The following PCDHA4 variants were observed in gnomAD, a reference collection of about 807,000 sequenced individuals.
PCDHA4 encodes the protein protocadherin alpha-4.
A neutral mutation model predicts 61.4 loss-of-function variants in PCDHA4; 49 were observed. The ratio of observed to expected loss-of-function variants is 0.80; its 90% confidence interval spans 0.63 to 1.01. PCDHA4 has a LOEUF of 1.01. Among genes scored for constraint, PCDHA4 ranks in the 50% least tolerant of loss-of-function variants. The pLI is 0.00. For synonymous variants in PCDHA4, 590 were observed against 550.3 expected (o/e 1.07, Z -1.01); for missense variants, 1,254 against 1,235.8 (o/e 1.01, Z -0.22).
At chr5:140,906,813 A>G (rs1287106484) in intron 1 of PCDHA4, among the ~76,000 whole-genome samples, 4 of 152,042 alleles carry the variant, frequency 2.6e-5, no homozygotes, top group African/African-American at 4.8e-5. Flanking sequence ...CCTTACCTCC[A>G]CTGTGGAGTA....
chr5:140,922,647 A>G (rs568444047), intron 1 of PCDHA4, among the ~76,000 whole-genome samples: 35 of 152,262 alleles, frequency 2.3e-4, no homozygotes, highest in Non-Finnish European at 4.6e-4. Context: ...ATCAAACAGT[A>G]AATATGGCTA....
At chr5:140,953,948 C>T (rs1012464637) in intron 1 of PCDHA4, among the ~76,000 whole-genome samples, 1 of 152,092 alleles carries the variant, frequency 6.6e-6, no homozygotes, top group Non-Finnish European at 1.5e-5. Flanking sequence ...CATTGCTCCC[C>T]CAACAGGCCC....
chr5:140,808,402 C>T lies in PCDHA4; in HGVS notation c.1215C>T (p.Tyr405=), dbSNP rs782426671. The T allele has an allele frequency of 2.5e-6, 4 of 1,614,062 alleles. No homozygotes were observed. Among genetic ancestry groups the T allele is most frequent in the Non-Finnish European group, 3.4e-6 (4 of 1,180,056 alleles). The change falls in exon 1 of 4, where the codon TAC becomes TAT. Residue 405 remains tyrosine, a synonymous_variant. Transcript: ENST00000530339. ...TGGTGTCCACCTTCAAGAATTACTA[C>T]TCGTTGGTGCTGGACAGTGCCCTGG... ...FKLVSTFKNY[Y]SLVLDSALDR...
In PCDHA4 at chr5:141,010,126, C is replaced by A; in HGVS notation, c.*189C>A. The A allele has an allele frequency of 6.2e-7, 1 of 1,602,364 alleles. No homozygotes were observed. The highest frequency in any genetic ancestry group is 1.1e-5 in the South Asian group (1 of 89,898). ...TTTTGTCGTAAAAGCTTTACTAAGT[C>A]TGGTGTTAACTCTTTCTCTCCACTC... On this transcript the variant is annotated 3_prime_UTR_variant, in exon 4 of 4. Coordinates refer to ENST00000530339, the MANE Select transcript of PCDHA4 (RefSeq NM_018907.4).
chr5:140,950,426 ACT>A (rs1554219446), intron 1 of PCDHA4, among the ~76,000 whole-genome samples: 5 of 151,872 alleles, frequency 3.3e-5, no homozygotes, highest in African/African-American at 1.2e-4. Flanking sequence ...ATTTTCTTCC[ACT>A]TAAAAAAAAT....
chr5:140,859,358 A>G (rs1470133461), intron 1 of PCDHA4: 1 of 254,184 alleles, frequency 3.9e-6, no homozygotes, highest in Non-Finnish European at 7.4e-6. Context: ...CTGATCTGAT[A>G]TATTGTATAG....
intron 1 of PCDHA4, among the ~76,000 whole-genome samples, chr5:140,924,932 AAAAT>A (rs2082199458): frequency 7.6e-6 from 1 of 131,842 alleles, no homozygotes; most frequent in East Asian, 2.6e-4. Flanking sequence ...AAAATAAAAT[AAAAT>A]AAAAAGTTAA....
intron 1 of PCDHA4, among the ~76,000 whole-genome samples, chr5:140,943,273 A>AG (rs1157586895): frequency 6.7e-6 from 1 of 150,362 alleles, no homozygotes; most frequent in Non-Finnish European, 1.5e-5. Flanking sequence ...AAAAAAAAAA[A>AG]AAAAGAAAGA....
At chr5:140,863,267 C>A in intron 1 of PCDHA4, 4 of 1,457,908 alleles carry the variant, frequency 2.7e-6, no homozygotes, top group Non-Finnish European at 2.8e-6. Context: ...CGGGAGGCAG[C>A]GCTGGTGGAT....
rs1271034090 is a variant in PCDHA4 at position 140,842,237 on chromosome 5, G to T, written c.2385+32665G>T. ...AAATACGGGAGAAATAGTGATTCGG[G>T]GTAATTTGGATTTTGAACAAGAAAA... On this transcript the variant is annotated intron_variant, in intron 1 of 3. Transcript: ENST00000530339. 1.9e-6 allele frequency: 3 copies of T among 1,612,294 alleles called. No individual in the cohort carries two copies. The highest frequency in any genetic ancestry group is 3.3e-5 in the Admixed American group (2 of 59,972).
In PCDHA4 at chr5:140,883,753, G is replaced by A. The variant is rs945452765; in HGVS notation, c.2385+74181G>A. 5 of 1,613,010 alleles carry A rather than the reference G, an allele frequency of 3.1e-6. No homozygotes were observed. The African/African-American group carries it at 5.3e-5, about 17-fold the overall frequency. ...ACGCGCTGGTCTCCTACTCGCTGGT[G>A]GAGCGGCGGGTGGGCGAGCGTGCGC... is the stretch of plus-strand genomic sequence containing the variant. On this transcript the variant is annotated intron_variant, in intron 1 of 3. Transcript: ENST00000530339.
At position 140,847,175 on chromosome 5, in the gene PCDHA4, G is replaced by A. The variant is rs1238681114; in HGVS notation, c.2385+37603G>A. ...TGATTTCTGAGTAATAAACTAAAGG[G>A]CCATGAGTGATTAAGGAATTTGGCC... is the stretch of plus-strand genomic sequence containing the variant. On this transcript the variant is annotated intron_variant, in intron 1 of 3. Transcript: ENST00000530339. Among the ~76,000 whole-genome samples the A allele has an allele frequency of 4.0e-5, 6 of 149,412 alleles. 2 individuals are homozygous for A. The highest frequency in any genetic ancestry group is 9.0e-5 in the Non-Finnish European group (6 of 66,808).
intron 1 of PCDHA4, chr5:140,841,829 T>G: frequency 6.2e-7 from 1 of 1,613,898 alleles, no homozygotes; most frequent in Non-Finnish European, 8.5e-7. Context: ...CGTGTTAACC[T>G]ACAGGCTTAG....
chr5:140,889,551 C>A (rs981990006), intron 1 of PCDHA4, among the ~76,000 whole-genome samples: 1 of 152,074 alleles, frequency 6.6e-6, no homozygotes, highest in Non-Finnish European at 1.5e-5. Flanking sequence ...ATTTACTTTT[C>A]TTCAGAATTC....
rs565095262 is a variant in PCDHA4, at chr5:140,873,057, T to C, written c.2385+63485T>C. 8.5e-4 allele frequency among the ~76,000 whole-genome samples: 129 copies of C among 152,336 alleles called. 1 individual carries two copies. Among genetic ancestry groups the C allele is most frequent in the Middle Eastern group, 3.4e-3 (1 of 294 alleles). ...TAGAGTGGTGGTATTACAGACTTTC[T>C]TGAGAATCATATCTAGCTATTTCCC... On this transcript the variant is annotated intron_variant, in intron 1 of 3. Transcript: ENST00000530339.
At chr5:140,869,419 C>G (rs782550413) in intron 1 of PCDHA4, 10 of 1,614,078 alleles carry the variant, frequency 6.2e-6, no homozygotes, top group African/African-American at 1.3e-5. Context: ...CAGCATCCAC[C>G]TGGAGGTGAT....
At chr5:140,842,679 C>A in intron 1 of PCDHA4, 1 of 1,595,330 alleles carries the variant, frequency 6.3e-7, no homozygotes, top group Non-Finnish European at 8.6e-7. Context: ...GACAATGCTC[C>A]GGCGTTCGCG....
intron 1 of PCDHA4, among the ~76,000 whole-genome samples, chr5:140,903,073 T>C (rs1181656778): frequency 6.6e-6 from 1 of 152,196 alleles, no homozygotes; most frequent in Admixed American, 6.5e-5. Context: ...TTTGGGTAGA[T>C]ACCTGATAGT....
At chr5:140,871,192 G>GTGTACC (rs1171954428) in intron 1 of PCDHA4, 40 of 1,613,550 alleles carry the variant, frequency 2.5e-5, no homozygotes, top group Non-Finnish European at 3.1e-5. Context: ...GGATGTCAAC[G>GTGTACC]TGTACCTGAT....
Sources: gnomAD v4.1 joint callset for allele counts (sites outside exome capture counted in the v4.1 genomes callset) on GRCh38, gnomAD v4.1.1 for gene constraint, MANE v1.5 for transcripts, NCBI Gene and HGNC (gene_info 2026-07-23, HGNC 2026-07-21) for gene names.